RGP1: variants seen among roughly 807,000 people sequenced by gnomAD.
RGP1 encodes RGP1 partner of RAB6A GEF complex, also known as RAB6A-GEF complex partner protein 2.
In RGP1, 28 loss-of-function variants were observed where a neutral mutation model predicts 44.5. The ratio of observed to expected loss-of-function variants is 0.63; its 90% CI spans 0.47 to 0.86. RGP1 has a LOEUF of 0.86. Among genes scored for constraint, RGP1 ranks in the 40% least tolerant of loss-of-function variants. The pLI is 0.00. For synonymous variants in RGP1, 212 were observed against 196.7 expected, an observed-to-expected ratio of 1.08 and a Z score of -0.65; for missense variants, 417 against 490.7, an observed-to-expected ratio of 0.85 and a Z score of 1.42.
At chr9:35,775,631 G>T in the RGP1 span, among the ~76,000 whole-genome samples, 9 of 152,200 alleles carry the variant, frequency 5.9e-5, no homozygotes, top group Non-Finnish European at 8.8e-5. Context: ...TTCCTAGTTA[G>T]TACACTTCTT....
At chr9:35,779,884 T>C in the RGP1 span, among the ~76,000 whole-genome samples, 26 of 152,012 alleles carry the variant, frequency 1.7e-4, no homozygotes, top group Non-Finnish European at 2.9e-5. Context: ...GCAGGTTATG[T>C]GCCACCACAC....
At position 35,753,089 on chromosome 9, in the gene RGP1, A is replaced by G; in HGVS notation, c.*215A>G. 1 of 1,612,276 alleles carries G rather than the reference A, an allele frequency of 6.2e-7. No homozygotes were observed. Among genetic ancestry groups the G allele is most frequent in the Non-Finnish European group, 8.5e-7 (1 of 1,178,560 alleles). The stretch of plus-strand genomic sequence containing the variant: ...GCAGTGAGCAGTCAGCAGATGGATG[A>G]TCAGTTGAGTTTAGCTGGAGTGGGG... On this transcript the variant is annotated 3_prime_UTR_variant, in exon 9 of 9. Transcript: ENST00000378078. The surrounding 1 kb of genome is among the most constrained non-coding windows in gnomAD (Gnocchi z 4.2).
chr9:35,760,816 C>T (rs894797899), downstream of RGP1, among the ~76,000 whole-genome samples: 1 of 152,220 alleles, frequency 6.6e-6, no homozygotes, highest in African/African-American at 2.4e-5. Flanking sequence ...TCCTGGTGTT[C>T]CAGCTTTGCT....
Position 35,756,786 on chromosome 9 carries a change from G to A in RGP1, c.*3912G>A, listed in dbSNP as rs1439293404. ...GGTGGGGGTGATGCCGAAGGGGAAG[G>A]GATCGCCAGTGGGGATTGGTGCGTG... On this transcript the variant is annotated 3_prime_UTR_variant, in exon 9 of 9. Coordinates refer to ENST00000378078, the MANE Select transcript of RGP1 (RefSeq NM_001080496.3). The A allele has an allele frequency of 6.5e-6, 1 of 152,748 alleles. No individual in the cohort carries two copies. The highest frequency in any genetic ancestry group is 1.5e-5 in the Non-Finnish European group (1 of 68,348). The allele number at this position is 152,748 out of a possible 1,614,324, so 9.5% of individuals were successfully genotyped here.
the RGP1 span, among the ~76,000 whole-genome samples, chr9:35,764,312 G>A: frequency 6.6e-6 from 1 of 152,110 alleles, no homozygotes; most frequent in Non-Finnish European, 1.5e-5. Flanking sequence ...TAACTCCTGT[G>A]GATTGGATAA....
chr9:35,781,624 C>A, the RGP1 span, among the ~76,000 whole-genome samples: 1 of 152,062 alleles, frequency 6.6e-6, no homozygotes, highest in Non-Finnish European at 1.5e-5. Context: ...TTGACACTGG[C>A]AATACCTTTT....
At chr9:35,759,296 G>A (rs1404577335), downstream of RGP1, among the ~76,000 whole-genome samples, 1 of 152,062 alleles carries the variant, frequency 6.6e-6, no homozygotes, top group Admixed American at 6.5e-5. Flanking sequence ...TGGGCACAGT[G>A]GCTCACACCT....
chr9:35,765,588 C>T, the RGP1 span, among the ~76,000 whole-genome samples: 161 of 148,032 alleles, frequency 1.1e-3, no homozygotes, highest in African/African-American at 3.3e-3. Context: ...GTGTAGGAGG[C>T]GGAGGTTGCA....
Position 35,751,363 on chromosome 9 carries a change from T to C in RGP1, c.585T>C (p.Ala195=), listed in dbSNP as rs781379588. 2 of 1,614,006 alleles carry C rather than the reference T, an allele frequency of 1.2e-6. No homozygotes were observed. Among genetic ancestry groups the C allele is most frequent in the Non-Finnish European group, 1.7e-6 (2 of 1,179,892 alleles). Reference sequence around the variant, plus strand: ...GTGGGAAGAAAGATTCATGGCTAGCTGAGCTGGCTGGGGAACGCCTAATGG... The same window carrying C: ...GTGGGAAGAAAGATTCATGGCTAGCCGAGCTGGCTGGGGAACGCCTAATGG... ...DEGGKKDSWL[A]ELAGERLMAA... The change falls in exon 6 of 9, where the codon GCT becomes GCC. Residue 195 remains alanine, a synonymous_variant. Transcript: ENST00000378078.
Position 35,758,027 on chromosome 9 carries a change from T to C in RGP1, c.*5153T>C, listed in dbSNP as rs1827383656. ...GTATTCAGCCTTTTTCTTGTTTGGC[T>C]TTTGTGCCATTTGCCCCTCACTGAC... On this transcript the variant is annotated 3_prime_UTR_variant, in exon 9 of 9. Coordinates refer to ENST00000378078, the MANE Select transcript of RGP1 (RefSeq NM_001080496.3). 6.6e-6 allele frequency: 1 copy of C among 152,278 alleles called. No individual in the cohort carries two copies. Among genetic ancestry groups the C allele is most frequent in the African/African-American group, 2.4e-5 (1 of 41,472 alleles). 9.4% of individuals were successfully genotyped at this position (152,278 alleles called of 1,614,324 possible).
the RGP1 span, among the ~76,000 whole-genome samples, chr9:35,763,881 C>CAAAA: frequency 3.4e-3 from 277 of 81,768 alleles, 5 homozygotes; most frequent in African/African-American, 8.4e-3. Context: ...GACTCCATCT[C>CAAAA]AAAAAAAAAA....
chr9:35,765,122 C>CAAA, the RGP1 span, among the ~76,000 whole-genome samples: 3 of 103,224 alleles, frequency 2.9e-5, no homozygotes, highest in Admixed American at 1.0e-4. Context: ...GACTCTGTCT[C>CAAA]AAAAAAAAAA....
chr9:35,761,693 C>T (rs551001225), downstream of RGP1, among the ~76,000 whole-genome samples: 2 of 151,988 alleles, frequency 1.3e-5, no homozygotes, highest in East Asian at 1.9e-4. Context: ...AACAAACAAA[C>T]AAAAAACCCC....
rs1249402064 is a variant in RGP1, at chr9:35,752,143, T to C, written c.950T>C (p.Ile317Thr). ...TCCACCCCAGGCTTCTGTACAGCCA[T>C]TGGTGAGACCCTCACTGTTACTGGA... is the stretch of plus-strand genomic sequence containing the variant. ...LSSTPGFCTA[I>T]VSLKWRLHFE... The change falls in exon 8 of 9, where the codon ATT (isoleucine) becomes ACT (threonine). Residue 317 changes from isoleucine to threonine, a missense_variant and splice_region_variant. Transcript: ENST00000378078. 1.3e-6 allele frequency: 2 copies of C among 1,556,542 alleles called. No homozygotes were observed. The highest frequency in any genetic ancestry group is 1.2e-5 in the South Asian group (1 of 80,634).
downstream of RGP1, among the ~76,000 whole-genome samples, chr9:35,762,969 A>G (rs1827433002): frequency 6.6e-6 from 1 of 152,166 alleles, no homozygotes; most frequent in Non-Finnish European, 1.5e-5. Flanking sequence ...ACAGCTAGTA[A>G]ATTTCAGAGC....
chr9:35,753,586 A>G lies in RGP1; in HGVS notation c.*712A>G, dbSNP rs908772059. Reference sequence around the variant, plus strand: ...TTCTGTTCATTCTTACATCACAGCAATCTAGTCACTCCCTGGTCATCCCTC... The same window carrying G: ...TTCTGTTCATTCTTACATCACAGCAGTCTAGTCACTCCCTGGTCATCCCTC... On this transcript the variant is annotated 3_prime_UTR_variant, in exon 9 of 9. Transcript: ENST00000378078. This position sits in a 1 kb window ranked among gnomAD's most constrained non-coding sequence, Gnocchi z 4.2. 6.3e-6 allele frequency: 8 copies of G among 1,267,024 alleles called. No individual in the cohort carries two copies. The African/African-American group carries it at 8.9e-5, about 14-fold the overall frequency. 78.5% of individuals were successfully genotyped at this position (1,267,024 alleles called of 1,614,324 possible). A position where few individuals can be genotyped will look rare whatever the true frequency, so the allele number is the denominator to read the frequency against.
chr9:35,752,193 G>T (rs1437657274), intron 8 of RGP1, 48 bp downstream of exon 8: 5 of 1,485,272 alleles, frequency 3.4e-6, no homozygotes, highest in Non-Finnish European at 4.5e-6. Flanking sequence ...ACAGTAAAAT[G>T]CTGTGCTAAG....
Position 35,758,078 on chromosome 9 carries a change from C to T in RGP1, c.*5204C>T, listed in dbSNP as rs896098854. 6 of 152,154 alleles carry T rather than the reference C, an allele frequency of 3.9e-5. No homozygotes were observed. The highest frequency in any genetic ancestry group is 8.8e-5 in the Non-Finnish European group (6 of 68,040). The allele number at this position is 152,154 out of a possible 1,614,324, so 9.4% of individuals were successfully genotyped here. A position where few individuals can be genotyped will look rare whatever the true frequency, so the allele number is the denominator to read the frequency against. ...TTGATTGAATTCTTTGTGGCTGATG[C>T]CTCAGTTTTTCTGGATCAGTAGTGC... On this transcript the variant is annotated 3_prime_UTR_variant, in exon 9 of 9. Transcript: ENST00000378078.
In RGP1 at chr9:35,750,841, C is replaced by T; in HGVS notation, c.339C>T (p.Tyr113=). 6.2e-7 allele frequency: 1 copy of T among 1,614,004 alleles called. No individual in the cohort carries two copies. Among genetic ancestry groups the T allele is most frequent in the Non-Finnish European group, 8.5e-7 (1 of 1,179,866 alleles). Residue 113 remains tyrosine, a splice_region_variant and synonymous_variant, in exon 5 of 9, where the codon TAC becomes TAT. Transcript: ENST00000378078. ...TCCTGACAACTACTTCCCAACCAGA[C>T]TCCTACAGTGAAGTGCTGCCCATAG... is the stretch of plus-strand genomic sequence containing the variant. The part of the protein sequence containing the change: ...LRLDPGESKS[Y]SYSEVLPIEG...
Sources: gnomAD v4.1 joint callset for allele counts (sites outside exome capture counted in the v4.1 genomes callset) on GRCh38, gnomAD v4.1.1 for gene constraint, Gnocchi (gnomAD v3.1) non-coding constraint, MANE v1.5 for transcripts, NCBI Gene and HGNC (gene_info 2026-07-23, HGNC 2026-07-21) for gene names.